ROR1: variants seen among roughly 807,000 people sequenced by gnomAD.
ROR1 encodes inactive tyrosine-protein kinase transmembrane receptor ROR1.
In ROR1, 19 loss-of-function variants were observed where a neutral mutation model predicts 78.8. The observed-to-expected ratio is 0.24, with a 90% confidence interval of 0.17 to 0.35. ROR1 has a LOEUF of 0.35. Among genes scored for constraint, ROR1 ranks in the 10% least tolerant of loss-of-function variants. The pLI is 1.00. For missense variants in ROR1, 917 were observed against 1,177.8 expected (o/e 0.78, Z 3.24); for synonymous variants, 386 against 433.6 (o/e 0.89, Z 1.36).
At chr1:63,913,822 C>T (rs931981739) in intron 1 of ROR1, among the ~76,000 whole-genome samples, 4 of 152,156 alleles carry the variant, frequency 2.6e-5, no homozygotes, top group Admixed American at 6.5e-5. Flanking sequence ...CAAGGTGATT[C>T]GCACTGGAGG....
chr1:64,132,632 C>T (rs1226910942), intron 4 of ROR1, among the ~76,000 whole-genome samples: 2 of 151,838 alleles, frequency 1.3e-5, no homozygotes, highest in African/African-American at 4.8e-5. Flanking sequence ...TGGTAGCACA[C>T]GCCTCTAATC....
intron 1 of ROR1, among the ~76,000 whole-genome samples, chr1:63,937,309 C>G (rs1213438154): frequency 6.6e-6 from 1 of 152,170 alleles, no homozygotes; most frequent in African/African-American, 2.4e-5. Flanking sequence ...CATTGCCACT[C>G]CCTGTTCTGA....
chr1:63,894,600 G>A (rs1008239524), intron 1 of ROR1, among the ~76,000 whole-genome samples: 2 of 152,130 alleles, frequency 1.3e-5, no homozygotes, highest in Admixed American at 6.5e-5. Flanking sequence ...TAGCACAGGG[G>A]AGGTTTTTGG....
chr1:64,084,254 G>A (rs1647131744), intron 4 of ROR1, among the ~76,000 whole-genome samples: 1 of 152,216 alleles, frequency 6.6e-6, no homozygotes, highest in South Asian at 2.1e-4. Context: ...GAACTAGGTT[G>A]ACTGGAGAAG....
intron 1 of ROR1, among the ~76,000 whole-genome samples, chr1:63,918,601 G>A (rs1035066984): frequency 4.6e-5 from 7 of 152,174 alleles, no homozygotes; most frequent in Admixed American, 4.6e-4. Flanking sequence ...CGAGAATTTA[G>A]GAGCTTGGTA....
chr1:64,150,111 C>A (rs1010312066), intron 7 of ROR1, among the ~76,000 whole-genome samples: 1 of 152,128 alleles, frequency 6.6e-6, no homozygotes, highest in Non-Finnish European at 1.5e-5. Flanking sequence ...TTGATCAAAT[C>A]CTGAGGTCAC....
At chr1:64,056,048 G>A (rs112206944) in intron 4 of ROR1, among the ~76,000 whole-genome samples, 236 of 152,238 alleles carry the variant, frequency 1.6e-3, no homozygotes, top group Non-Finnish European at 3.0e-3. Flanking sequence ...GTCCATGCAT[G>A]GCTATACCAC....
chr1:63,935,139 C>A (rs1405725546), intron 1 of ROR1, among the ~76,000 whole-genome samples: 1 of 151,758 alleles, frequency 6.6e-6, no homozygotes, highest in Non-Finnish European at 1.5e-5. Flanking sequence ...ATTGCCCAAC[C>A]TCCCTCCCCT....
intron 1 of ROR1, among the ~76,000 whole-genome samples, chr1:63,865,064 T>C (rs937311277): frequency 6.6e-6 from 1 of 152,156 alleles, no homozygotes; most frequent in Non-Finnish European, 1.5e-5. Context: ...GTGTTAAAAC[T>C]AGAAAATCCA....
chr1:64,122,455 G>A (rs1648574661), intron 4 of ROR1, among the ~76,000 whole-genome samples: 1 of 152,072 alleles, frequency 6.6e-6, no homozygotes, highest in African/African-American at 2.4e-5. Flanking sequence ...TAATCTTTGA[G>A]GCATCCACTT....
intron 8 of ROR1, among the ~76,000 whole-genome samples, chr1:64,169,087 C>A (rs1039031548): frequency 6.6e-6 from 1 of 152,196 alleles, no homozygotes; most frequent in Non-Finnish European, 1.5e-5. Context: ...ATTCAGGAAG[C>A]AAGTCAGCCC....
At chr1:64,155,641 G>A (rs1395588921) in intron 7 of ROR1, among the ~76,000 whole-genome samples, 1 of 152,144 alleles carries the variant, frequency 6.6e-6, no homozygotes, top group Non-Finnish European at 1.5e-5. Flanking sequence ...ATCTGATAGG[G>A]CATGAATACA....
intron 2 of ROR1, among the ~76,000 whole-genome samples, chr1:64,023,464 G>C: frequency 6.6e-6 from 1 of 152,126 alleles, no homozygotes; most frequent in East Asian, 1.9e-4. Context: ...CTCTTTTAAG[G>C]TAAGGTGGGC....
chr1:63,833,048 G>A (rs1644998468), intron 1 of ROR1, among the ~76,000 whole-genome samples: 1 of 152,158 alleles, frequency 6.6e-6, no homozygotes, highest in African/African-American at 2.4e-5. Context: ...TTCCAATCTT[G>A]TTTTCCCATA....
At chr1:64,024,594 A>G (rs1646593371) in intron 2 of ROR1, among the ~76,000 whole-genome samples, 1 of 152,220 alleles carries the variant, frequency 6.6e-6, no homozygotes, top group Non-Finnish European at 1.5e-5. Context: ...GAATTATTCT[A>G]GCTTTGTGTT....
At chr1:63,871,127 T>G (rs1645248584) in intron 1 of ROR1, among the ~76,000 whole-genome samples, 1 of 152,228 alleles carries the variant, frequency 6.6e-6, no homozygotes, top group Non-Finnish European at 1.5e-5. Context: ...TGTTATTTCC[T>G]GCTTCACATT....
chr1:64,122,224 A>G (rs948574750), intron 4 of ROR1, among the ~76,000 whole-genome samples: 4 of 152,244 alleles, frequency 2.6e-5, no homozygotes, highest in Admixed American at 1.3e-4. Flanking sequence ...TAAAAACAGT[A>G]GGAGTCATCA....
At chr1:64,128,003 A>G (rs1648774324) in intron 4 of ROR1, among the ~76,000 whole-genome samples, 1 of 152,132 alleles carries the variant, frequency 6.6e-6, no homozygotes, top group Admixed American at 6.6e-5. Context: ...CAGGGCTCTC[A>G]GTGAGGGGCA....
chr1:63,890,687 G>C (rs1236200323), intron 1 of ROR1, among the ~76,000 whole-genome samples: 1 of 151,984 alleles, frequency 6.6e-6, no homozygotes, highest in African/African-American at 2.4e-5. Context: ...TGAAAGTTTG[G>C]GGTGGTGGTG....
Sources: gnomAD v4.1 joint callset for allele counts (sites outside exome capture counted in the v4.1 genomes callset) on GRCh38, gnomAD v4.1.1 for gene constraint, MANE v1.5 for transcripts, NCBI Gene and HGNC (gene_info 2026-07-23, HGNC 2026-07-21) for gene names.